The following GLG1 variants were observed in gnomAD, a reference collection of about 807,000 sequenced individuals.
GLG1 encodes golgi glycoprotein 1, also known as Golgi apparatus protein 1.
A neutral mutation model predicts 160.5 loss-of-function variants in GLG1; 38 were observed. The observed-to-expected ratio is 0.24, with a 90% CI of 0.18 to 0.31. The LOEUF (loss-of-function observed/expected upper bound fraction) is 0.31, where lower values mean the gene tolerates loss of function less well. Among genes scored for constraint, GLG1 ranks in the 10% least tolerant of loss-of-function variants. The pLI, the probability that GLG1 is intolerant of heterozygous loss-of-function variation, is 1.00. For missense variants in GLG1, 1,373 were observed against 1,505.2 expected, an observed-to-expected ratio of 0.91 and a Z score of 1.45; for synonymous variants, 644 against 543.4, an observed-to-expected ratio of 1.19 and a Z score of -2.57.
intron 1 of GLG1, among the ~76,000 whole-genome samples, chr16:74,535,400 C>T (rs962754134): frequency 4.6e-5 from 7 of 152,228 alleles, no homozygotes; most frequent in African/African-American, 1.7e-4. Flanking sequence ...TCTTGATTTG[C>T]AACTGACTAT....
intron 1 of GLG1, among the ~76,000 whole-genome samples, chr16:74,600,737 A>C (rs1307435416): frequency 1.4e-5 from 2 of 147,998 alleles, no homozygotes; most frequent in East Asian, 2.0e-4. Context: ...ACCTCAAAAA[A>C]AAAAAAAAAA....
intron 1 of GLG1, among the ~76,000 whole-genome samples, chr16:74,551,471 T>G (rs1047197020): frequency 2.2e-3 from 2 of 898 alleles, no homozygotes; most frequent in African/African-American, 2.9e-3. Flanking sequence ...TGTCTGGCTA[T>G]TTTTTTTTTT....
chr16:74,516,580 C>T (rs191799928), intron 2 of GLG1, among the ~76,000 whole-genome samples: 146 of 152,302 alleles, frequency 9.6e-4, no homozygotes, highest in African/African-American at 3.2e-3. Context: ...ATTTACAGCA[C>T]TAAATGCCCA....
chr16:74,488,760 C>T (rs998131860), intron 8 of GLG1, among the ~76,000 whole-genome samples: 8 of 152,092 alleles, frequency 5.3e-5, no homozygotes, highest in African/African-American at 1.9e-4. Context: ...GCTGGGACTA[C>T]AGGTGCATGC....
rs145636936 is a variant in GLG1 at position 74,522,223 on chromosome 16, C to T, written c.471+9898G>A. Among the ~76,000 whole-genome samples the T allele has an allele frequency of 3.0e-3, 458 of 152,340 alleles. 2 individuals carry two copies. Among genetic ancestry groups the T allele is most frequent in the Middle Eastern group, 0.017 (5 of 294 alleles). ...TAACCTTTTACTCATAGGGCTGTTG[C>T]GAGCTGCTACAAATATTTAGCCCTT... On this transcript the variant is annotated intron_variant, in intron 2 of 25. Transcript: ENST00000422840.
intron 15 of GLG1, among the ~76,000 whole-genome samples, chr16:74,470,968 G>A (rs1403303073): frequency 6.6e-6 from 1 of 151,636 alleles, no homozygotes; most frequent in East Asian, 1.9e-4. Flanking sequence ...TGTTGCTCAG[G>A]TTGGTCTTGA....
chr16:74,557,831 C>T (rs1461899257), intron 1 of GLG1, among the ~76,000 whole-genome samples: 1 of 151,664 alleles, frequency 6.6e-6, no homozygotes, highest in Non-Finnish European at 1.5e-5. Context: ...AGTAATCCAT[C>T]TGCCTCAGCT....
chr16:74,469,130 T>C, intron 16 of GLG1, 67 bp from the exon 17 acceptor site: 1 of 990,254 alleles, frequency 1.0e-6, no homozygotes, highest in Non-Finnish European at 1.6e-6. Context: ...GAGCTGGGCT[T>C]GGGGGGGGTC....
chr16:74,505,644 C>G (rs1236637220), intron 3 of GLG1, among the ~76,000 whole-genome samples: 1 of 152,010 alleles, frequency 6.6e-6, no homozygotes, highest in African/African-American at 2.4e-5. Flanking sequence ...TGCCGGAGCT[C>G]AGGAGTTCGA....
intron 6 of GLG1, 43 bp downstream of exon 6, chr16:74,494,716 TA>T: frequency 2.1e-6 from 2 of 955,410 alleles, no homozygotes; most frequent in Non-Finnish European, 1.7e-6. Context: ...AGAAAGCTTT[TA>T]AAAAACAAAT....
intron 20 of GLG1, 123 bp from the exon 21 acceptor site, chr16:74,462,753 T>C: frequency 2.3e-6 from 2 of 877,106 alleles, no homozygotes; most frequent in Non-Finnish European, 3.7e-6. Flanking sequence ...TGGATTTATC[T>C]ATTCAATAAA....
rs2016129122 is a variant in GLG1, at chr16:74,494,851, CATT to C, written c.979-23_979-21del. 2.5e-6 allele frequency: 3 copies of C among 1,181,496 alleles called. No homozygotes were observed. The highest frequency in any genetic ancestry group is 3.8e-6 in the Non-Finnish European group (3 of 785,806). 73.2% of individuals were successfully genotyped at this position (1,181,496 alleles called of 1,614,324 possible). ...TTGTGTCTATAAGATGGAACATACA[CATT>C]ATTATTACTTTAGCTAAATAGTTAT... On this transcript the variant is annotated intron_variant, in intron 5 of 25. Coordinates refer to ENST00000422840, the MANE Select transcript of GLG1 (RefSeq NM_001145667.2).
intron 3 of GLG1, among the ~76,000 whole-genome samples, chr16:74,505,901 G>A (rs899227866): frequency 4.6e-5 from 7 of 151,674 alleles, no homozygotes; most frequent in Non-Finnish European, 7.4e-5. Flanking sequence ...GTGGTGCCAC[G>A]CATCTGTAGT....
At chr16:74,562,928 A>G (rs2018548483) in intron 1 of GLG1, among the ~76,000 whole-genome samples, 1 of 152,186 alleles carries the variant, frequency 6.6e-6, no homozygotes, top group East Asian at 1.9e-4. Context: ...CACTGGGTCA[A>G]TTGATATCAC....
chr16:74,577,162 G>C (rs1445111333), intron 1 of GLG1, among the ~76,000 whole-genome samples: 9 of 152,086 alleles, frequency 5.9e-5, no homozygotes, highest in Non-Finnish European at 1.3e-4. Flanking sequence ...CTGGGCTCAA[G>C]AGATCCTCCC....
intron 1 of GLG1, among the ~76,000 whole-genome samples, chr16:74,590,830 C>T (rs1180360873): frequency 4.1e-5 from 6 of 145,860 alleles, no homozygotes; most frequent in African/African-American, 1.5e-4. Context: ...AAAAGGAAAG[C>T]ATCACCACCA....
chr16:74,468,149 G>C (rs2015066245), intron 17 of GLG1: 1 of 214,116 alleles, frequency 4.7e-6, no homozygotes, highest in Non-Finnish European at 9.1e-6. Context: ...TATAAATGTA[G>C]AGTTCTACTT....
chr16:74,581,660 C>T (rs1696455544), intron 1 of GLG1, among the ~76,000 whole-genome samples: 1 of 152,062 alleles, frequency 6.6e-6, no homozygotes, highest in East Asian at 1.9e-4. Context: ...AAGGAAACCC[C>T]AGCACCTCGG....
rs771745921 is a variant in GLG1, at chr16:74,491,222, T to A, written c.1235-7A>T. The A allele has an allele frequency of 6.2e-6, 10 of 1,604,402 alleles. No individual in the cohort carries two copies. Among genetic ancestry groups the A allele is most frequent in the Non-Finnish European group, 8.5e-6 (10 of 1,171,344 alleles). ...TCACTGCTGACTTGTCGCCCTAAGTTAGGATGTAAGTCATAACATTACGAA... is the reference window on the plus strand; with the variant it reads ...TCACTGCTGACTTGTCGCCCTAAGTAAGGATGTAAGTCATAACATTACGAA... On this transcript the variant is annotated splice_region_variant and splice_polypyrimidine_tract_variant and intron_variant, in intron 7 of 25. Transcript: ENST00000422840.
Sources: allele counts gnomAD v4.1 joint callset (sites outside exome capture counted in the v4.1 genomes callset), GRCh38; gene constraint gnomAD v4.1.1; transcripts MANE v1.5; gene names NCBI Gene and HGNC (gene_info 2026-07-23, HGNC 2026-07-21).